Variants in FKBP15 observed in about 807,000 individuals in gnomAD.
FKBP15 encodes FK506-binding protein 15.
In FKBP15, 106 loss-of-function variants were observed where a neutral mutation model predicts 158.1. The ratio of observed to expected loss-of-function variants is 0.67; its 90% CI spans 0.57 to 0.79. The LOEUF (loss-of-function observed/expected upper bound fraction) is 0.79. FKBP15 is among the 30% of genes least tolerant of loss of function. FKBP15 has a pLI of 0.00. For synonymous variants in FKBP15, 547 were observed against 548.6 expected, an observed-to-expected ratio of 1.00 and a Z score of 0.04; for missense variants, 1,287 against 1,479.1, an observed-to-expected ratio of 0.87 and a Z score of 2.13.
chr9:113,166,245 C>A, intron 27 of FKBP15, 90 bp from the exon 28 acceptor site: 1 of 1,195,946 alleles, frequency 8.4e-7, no homozygotes. Flanking sequence ...AACTTCTGTT[C>A]CCAGCTCTGG....
intron 1 of FKBP15, among the ~76,000 whole-genome samples, chr9:113,218,655 G>A (rs1831194183): frequency 6.6e-6 from 1 of 151,930 alleles, no homozygotes; most frequent in Admixed American, 6.6e-5. Context: ...ACCATAAACT[G>A]GTATTAGCAT....
chr9:113,193,570 T>A, intron 10 of FKBP15, 21 bp from the exon 11 acceptor site: 1 of 1,584,926 alleles, frequency 6.3e-7, no homozygotes, highest in Non-Finnish European at 8.6e-7. Context: ...ATAGACCATA[T>A]TCCAAGATTG....
At position 113,173,485 on chromosome 9, in the gene FKBP15, A is replaced by T; in HGVS notation, c.2500T>A (p.Tyr834Asn). The change falls in exon 23 of 28, where the codon TAC (tyrosine) becomes AAC (asparagine). Residue 834 changes from tyrosine to asparagine, a missense_variant. Physicochemically the swap from Tyr to Asn is moderately radical, Grantham distance 143 (BLOSUM62 -2). Transcript: ENST00000238256. ...TGAAGTTGTACCAGCTTCTGCTGGT[A>T]GGCATCTCTCTGTGCGCACACCTCC... is the stretch of plus-strand genomic sequence containing the variant. ...YQEVCAQRDA[Y>N]QQKLVQLQEK... 6.2e-7 allele frequency: 1 copy of T among 1,613,864 alleles called. No homozygotes were observed. The highest frequency in any genetic ancestry group is 8.5e-7 in the Non-Finnish European group (1 of 1,179,758).
At chr9:113,196,198 T>C (rs1450174295) in intron 9 of FKBP15, among the ~76,000 whole-genome samples, 3 of 152,166 alleles carry the variant, frequency 2.0e-5, no homozygotes, top group East Asian at 3.9e-4. Flanking sequence ...TGCCAGTTTT[T>C]TGCTATTACT....
intron 15 of FKBP15, among the ~76,000 whole-genome samples, 178 bp downstream of exon 15, chr9:113,186,071 T>C (rs1003679769): frequency 3.9e-5 from 6 of 152,216 alleles, no homozygotes; most frequent in African/African-American, 1.4e-4. Flanking sequence ...TAAAACACTT[T>C]TGAATTGCAC....
At chr9:113,188,286 T>C (rs955054470) in intron 13 of FKBP15, 103 bp downstream of exon 13, 24 of 868,282 alleles carry the variant, frequency 2.8e-5, no homozygotes, top group African/African-American at 2.7e-4. Context: ...TACACTTTAG[T>C]CCTCAGTACT....
chr9:113,176,421 A>T, intron 21 of FKBP15, 116 bp downstream of exon 21: 1 of 1,240,548 alleles, frequency 8.1e-7, no homozygotes, highest in South Asian at 1.7e-5. Context: ...TTAATTTTAC[A>T]CTTTTCTATA....
At position 113,198,899 on chromosome 9, in the gene FKBP15, C is replaced by G; in HGVS notation, c.673G>C (p.Asp225His). ...CCTAACTTCAAGCGAAGCAACTTATCTTTGTTAGCAGTGGAGTCGAAAACC... is the reference window on the plus strand; with the variant it reads ...CCTAACTTCAAGCGAAGCAACTTATGTTTGTTAGCAGTGGAGTCGAAAACC... ...GQVFDSTANK[D>H]KLLRLKLGSG... Residue 225 changes from aspartate to histidine, a missense_variant, in exon 8 of 28, where the codon GAT becomes CAT. By Grantham distance (81) the Asp-to-His change is moderately conservative. Transcript: ENST00000238256. The surrounding 1 kb of genome is among the most constrained non-coding windows in gnomAD (Gnocchi z 5.2). The G allele has an allele frequency of 6.2e-7, 1 of 1,605,458 alleles. No homozygotes were observed. The highest frequency in any genetic ancestry group is 1.1e-5 in the South Asian group (1 of 89,166).
Position 113,191,544 on chromosome 9 carries a change from T to C in FKBP15, c.1066-966A>G, listed in dbSNP as rs75942082. Among the ~76,000 whole-genome samples the C allele has an allele frequency of 7.1e-3, 1,071 of 151,680 alleles. 91 individuals are homozygous for C. In the East Asian group the frequency reaches 0.19, roughly 27 times the overall value. ...GGATACATCAGGAAAGGACTAGTTATATAGACCTTATGCACACAATGGAAT... is the reference window on the plus strand; with the variant it reads ...GGATACATCAGGAAAGGACTAGTTACATAGACCTTATGCACACAATGGAAT... On this transcript the variant is annotated intron_variant, in intron 11 of 27. Transcript: ENST00000238256.
At chr9:113,171,467 A>T in intron 24 of FKBP15, 114 bp downstream of exon 24, 1 of 1,311,314 alleles carries the variant, frequency 7.6e-7, no homozygotes. Context: ...AAGTCATCAG[A>T]CAAGTAAAAC....
chr9:113,198,708 T>C lies in FKBP15; in HGVS notation c.717+147A>G. The C allele has an allele frequency of 1.7e-6, 1 of 579,636 alleles. No individual in the cohort carries two copies. Among genetic ancestry groups the C allele is most frequent in the Non-Finnish European group, 2.9e-6 (1 of 341,124 alleles). The allele number at this position is 579,636 out of a possible 1,614,324, so 35.9% of individuals were successfully genotyped here. ...TGGAGGTTGCAATGAGCCAAGATCG[T>C]GCCATTGCACTCCAGCTTGAACAAC... is the stretch of plus-strand genomic sequence containing the variant. On this transcript the variant is annotated intron_variant, in intron 8 of 27. Transcript: ENST00000238256. The surrounding 1 kb of genome is among the most constrained non-coding windows in gnomAD (Gnocchi z 5.2).
Position 113,202,553 on chromosome 9 carries a change from G to T in FKBP15, c.476C>A (p.Ala159Asp). Residue 159 changes from alanine to aspartate, a missense_variant, in exon 6 of 28, where the codon GCT (alanine) becomes GAT (aspartate). By Grantham distance (126) the Ala-to-Asp change is moderately radical. Coordinates refer to ENST00000238256, the MANE Select transcript of FKBP15 (RefSeq NM_015258.2). ...CACCTGCTTATTGAACTCCACAGCAGCCTTTTCCGACTCAAACATGATGGA... is the reference window on the plus strand; with the variant it reads ...CACCTGCTTATTGAACTCCACAGCATCCTTTTCCGACTCAAACATGATGGA... ...NWSIMFESEKAAVEFNKQVCI... is the reference protein window; with the variant it reads ...NWSIMFESEKDAVEFNKQVCI... The T allele has an allele frequency of 1.3e-6, 2 of 1,582,574 alleles. No homozygotes were observed. The highest frequency in any genetic ancestry group is 2.3e-5 in the East Asian group (1 of 43,814).
chr9:113,165,936 A>T lies in FKBP15; in HGVS notation c.*142T>A. The stretch of plus-strand genomic sequence containing the variant: ...GGGGGTGGGGCTCAGAAGGTGGCCA[A>T]CCCACCCTCTGAGCCCAAATATTGT... On this transcript the variant is annotated 3_prime_UTR_variant, in exon 28 of 28. Transcript: ENST00000238256. 1.5e-6 allele frequency: 1 copy of T among 686,482 alleles called. No individual in the cohort carries two copies. 42.5% of individuals were successfully genotyped at this position (686,482 alleles called of 1,614,324 possible).
At chr9:113,212,765 T>G (rs1275369523) in intron 1 of FKBP15, among the ~76,000 whole-genome samples, 1 of 152,184 alleles carries the variant, frequency 6.6e-6, no homozygotes, top group Non-Finnish European at 1.5e-5. Flanking sequence ...GGCTTCATAC[T>G]TTCTCTCCCT....
Position 113,203,013 on chromosome 9 carries a change from C to G in FKBP15, c.347G>C (p.Ser116Thr). ...AGCAACCGTAACTGGCTGTTGTTGA[C>G]TGATATAAAGAAGAATCCTATACTG... The part of the protein sequence containing the change: ...AREYRILLYI[S>T]QQQPVTVARI... Residue 116 changes from serine to threonine, a missense_variant, in exon 5 of 28, where the codon AGT (serine) becomes ACT (threonine). Transcript: ENST00000238256. 1 of 1,611,312 alleles carries G rather than the reference C, an allele frequency of 6.2e-7. No individual in the cohort carries two copies.
At position 113,196,929 on chromosome 9, in the gene FKBP15, CA is replaced by C; in HGVS notation, c.864+2del. The C allele has an allele frequency of 6.2e-7, 1 of 1,613,702 alleles. No homozygotes were observed. Among genetic ancestry groups the C allele is most frequent in the Non-Finnish European group, 8.5e-7 (1 of 1,179,648 alleles). On this transcript the variant is annotated splice_donor_variant, in intron 9 of 27. Coordinates refer to ENST00000238256, the MANE Select transcript of FKBP15 (RefSeq NM_015258.2). LOFTEE classifies it high-confidence loss of function. Reference sequence around the variant, plus strand: ...CAAACAAAACACAGAGAGTTTCACTCACCCGCCTAACCTCCACCTCGAACAC... The same window carrying C: ...CAAACAAAACACAGAGAGTTTCACTCCCCGCCTAACCTCCACCTCGAACAC...
chr9:113,192,805 A>C (rs984175172), intron 11 of FKBP15, among the ~76,000 whole-genome samples: 3 of 152,256 alleles, frequency 2.0e-5, no homozygotes, highest in African/African-American at 7.2e-5. Flanking sequence ...GGAAATAAAC[A>C]TGAAGCTTAG....
intron 4 of FKBP15, among the ~76,000 whole-genome samples, chr9:113,204,444 A>G (rs1830851481): frequency 2.0e-5 from 3 of 152,238 alleles, no homozygotes; most frequent in African/African-American, 7.2e-5. Flanking sequence ...CTTGTAGTGC[A>G]AATCTACTAC....
intron 23 of FKBP15, among the ~76,000 whole-genome samples, chr9:113,172,480 TC>T (rs1587951144): frequency 6.6e-6 from 1 of 152,154 alleles, no homozygotes. Context: ...GTAAAAGCGT[TC>T]CTATTTCTCC....
Sources: gnomAD v4.1 joint callset for allele counts (sites outside exome capture counted in the v4.1 genomes callset) on GRCh38, gnomAD v4.1.1 for gene constraint, Gnocchi (gnomAD v3.1) non-coding constraint, MANE v1.5 for transcripts, NCBI Gene and HGNC (gene_info 2026-07-23, HGNC 2026-07-21) for gene names.